The following SLCO3A1 variants were observed in gnomAD, a reference collection of about 807,000 sequenced individuals.
SLCO3A1 encodes solute carrier organic anion transporter family member 3A1.
In SLCO3A1, 27 loss-of-function variants were observed where a neutral mutation model predicts 63.1. The observed-to-expected ratio is 0.43, with a 90% CI of 0.32 to 0.59. The LOEUF is 0.59. Ranked by LOEUF, SLCO3A1 falls within the 20% of genes least tolerant of loss-of-function variation. SLCO3A1 has a pLI of 0.09. For missense variants in SLCO3A1, 773 were observed against 945.8 expected (o/e 0.82, Z 2.40); for synonymous variants, 473 against 409.9 (o/e 1.15, Z -1.86).
intron 2 of SLCO3A1, among the ~76,000 whole-genome samples, chr15:92,023,521 T>G (rs2046534971): frequency 6.6e-6 from 1 of 151,862 alleles, no homozygotes. Flanking sequence ...CAGGCTGGAG[T>G]GCAGTGGTGG....
intron 2 of SLCO3A1, among the ~76,000 whole-genome samples, chr15:91,998,028 A>G (rs796532475): frequency 1.5e-4 from 23 of 152,404 alleles, no homozygotes; most frequent in African/African-American, 5.3e-4. Context: ...ACATAACAAA[A>G]GAAACTATCA....
chr15:91,884,090 T>C (rs1897663479), intron 1 of SLCO3A1, among the ~76,000 whole-genome samples: 1 of 152,254 alleles, frequency 6.6e-6, no homozygotes, highest in Non-Finnish European at 1.5e-5. Flanking sequence ...CTTTTGGATC[T>C]TTGCAAAACC....
chr15:91,895,193 GT>G (rs1024071769), intron 1 of SLCO3A1, among the ~76,000 whole-genome samples: 2 of 152,188 alleles, frequency 1.3e-5, no homozygotes, highest in African/African-American at 4.8e-5. Flanking sequence ...GTGACTCCCT[GT>G]GTGTAAGAAC....
At chr15:92,060,696 C>A (rs1465636028) in intron 2 of SLCO3A1, among the ~76,000 whole-genome samples, 1 of 152,082 alleles carries the variant, frequency 6.6e-6, no homozygotes, top group African/African-American at 2.4e-5. Context: ...GACGGGGTTT[C>A]ACCATGTTGT....
Position 92,150,960 on chromosome 15 carries a change from C to A in SLCO3A1, c.1699C>A (p.Pro567Thr). ...SVIILIRTVSPELKSYALGVL... is the reference protein window; with the variant it reads ...SVIILIRTVSTELKSYALGVL... ...TCTCTTTGCACGTAGGACAGTCAGC[C>A]CTGAACTCAAGTCTTACGCTTTGGG... The change falls in exon 9 of 10, where the codon CCT (proline) becomes ACT (threonine). Residue 567 changes from proline (P) to threonine (T), a missense_variant. Around this residue, in one of 3 missense-constraint regions of SLCO3A1, gnomAD observed 565 missense variants for 749.8 expected, o/e 0.75. Transcript: ENST00000318445. 1.9e-6 allele frequency: 3 copies of A among 1,612,332 alleles called. No homozygotes were observed. Among genetic ancestry groups the A allele is most frequent in the Non-Finnish European group, 2.5e-6 (3 of 1,179,348 alleles).
intron 2 of SLCO3A1, among the ~76,000 whole-genome samples, chr15:92,070,891 A>C: frequency 6.6e-6 from 1 of 152,330 alleles, no homozygotes; most frequent in South Asian, 2.1e-4. Flanking sequence ...TATACTTAAA[A>C]ATGGTTAAGA....
At chr15:91,998,499 C>G (rs144017566) in intron 2 of SLCO3A1, among the ~76,000 whole-genome samples, 1,892 of 152,004 alleles carry the variant, frequency 0.012, 43 homozygotes, top group African/African-American at 0.043. Flanking sequence ...AGACACTTCT[C>G]AAAAGAATAT....
Position 91,967,983 on chromosome 15 carries a change from G to A in SLCO3A1, c.646+51525G>A. On this transcript the variant is annotated intron_variant, in intron 2 of 9. Transcript: ENST00000318445. The surrounding 1 kb of genome is among the most constrained non-coding windows in gnomAD (Gnocchi z 4.4). ...CCTCTTCCTGCAGAGATGCAAGATG[G>A]CTTTGAAATGTCCCTATCTTCCTTC... 6.6e-6 allele frequency among the ~76,000 whole-genome samples: 1 copy of A among 152,084 alleles called. No individual in the cohort carries two copies. The highest frequency in any genetic ancestry group is 1.9e-4 in the East Asian group (1 of 5,182).
intron 2 of SLCO3A1, among the ~76,000 whole-genome samples, chr15:92,055,761 A>G (rs997820271): frequency 1.3e-5 from 2 of 152,164 alleles, no homozygotes; most frequent in African/African-American, 2.4e-5. Flanking sequence ...GCATCCCGCC[A>G]TCTTGAATCG....
At chr15:92,071,509 C>T (rs2047215835) in intron 2 of SLCO3A1, among the ~76,000 whole-genome samples, 1 of 152,174 alleles carries the variant, frequency 6.6e-6, no homozygotes, top group Non-Finnish European at 1.5e-5. Flanking sequence ...AAACACACGT[C>T]AGAAATGGAG....
At chr15:92,088,386 A>C (rs1383820834) in intron 2 of SLCO3A1, among the ~76,000 whole-genome samples, 1 of 152,234 alleles carries the variant, frequency 6.6e-6, no homozygotes. Context: ...TCAAATAATT[A>C]ACACAAAACC....
chr15:92,168,311 C>G (rs1296746669), downstream of SLCO3A1, among the ~76,000 whole-genome samples: 1 of 152,196 alleles, frequency 6.6e-6, no homozygotes, highest in Admixed American at 6.5e-5. Context: ...AAGATGAGGG[C>G]AGAATTGCCC....
At chr15:92,097,004 G>T (rs997982216) in intron 3 of SLCO3A1, among the ~76,000 whole-genome samples, 8 of 152,090 alleles carry the variant, frequency 5.3e-5, no homozygotes, top group Non-Finnish European at 1.2e-4. Context: ...TTCCACCACT[G>T]CACCCAAGGC....
intron 2 of SLCO3A1, among the ~76,000 whole-genome samples, chr15:91,986,118 G>A (rs1190202785): frequency 2.6e-5 from 4 of 152,344 alleles, no homozygotes; most frequent in African/African-American, 9.6e-5. Flanking sequence ...CTGGTGGGCA[G>A]AGGCTGAGTG....
At chr15:92,040,877 G>T (rs1425964207) in intron 2 of SLCO3A1, among the ~76,000 whole-genome samples, 1 of 152,102 alleles carries the variant, frequency 6.6e-6, no homozygotes, top group African/African-American at 2.4e-5. Context: ...AGAAATTCAA[G>T]TTGACTTAGT....
At chr15:92,015,019 A>T (rs1411021834) in intron 2 of SLCO3A1, among the ~76,000 whole-genome samples, 1 of 152,180 alleles carries the variant, frequency 6.6e-6, no homozygotes, top group Non-Finnish European at 1.5e-5. Flanking sequence ...GGCTAAGCTT[A>T]AGGCATGGCT....
intron 2 of SLCO3A1, among the ~76,000 whole-genome samples, chr15:91,973,201 AT>A (rs1900950090): frequency 6.6e-6 from 1 of 152,216 alleles, no homozygotes; most frequent in African/African-American, 2.4e-5. Flanking sequence ...CTGCTCTCTC[AT>A]TTCCCAGAGA....
At chr15:92,144,022 G>A (rs543685937) in intron 7 of SLCO3A1, among the ~76,000 whole-genome samples, 1 of 152,338 alleles carries the variant, frequency 6.6e-6, no homozygotes, top group South Asian at 2.1e-4. Context: ...AAAAGAAGGC[G>A]GCGCCAAGTC....
At chr15:92,049,875 A>T (rs552416924) in intron 2 of SLCO3A1, among the ~76,000 whole-genome samples, 24 of 152,318 alleles carry the variant, frequency 1.6e-4, no homozygotes, top group Non-Finnish European at 2.2e-4. Flanking sequence ...TGTAATGTAC[A>T]GTGACACTGG....
Sources: allele counts gnomAD v4.1 joint callset (sites outside exome capture counted in the v4.1 genomes callset), GRCh38; gene constraint gnomAD v4.1.1; regional missense constraint gnomAD v4.1.1; non-coding constraint Gnocchi (gnomAD v3.1); transcripts MANE v1.5; gene names NCBI Gene and HGNC (gene_info 2026-07-23, HGNC 2026-07-21).